CHTF18: variants seen among roughly 807,000 people sequenced by gnomAD.
The protein encoded by CHTF18 is chromosome transmission fidelity protein 18 homolog.
CHTF18 carries 151 observed loss-of-function variants against 113.4 expected under a neutral mutation model. The observed-to-expected ratio is 1.33, with a 90% CI of 1.17 to 1.52. The LOEUF is 1.52. Among genes scored for constraint, CHTF18 ranks in the 40% most tolerant of loss-of-function variants. CHTF18 has a pLI of 0.00. For missense variants in CHTF18, 1,982 were observed against 1,381.6 expected (o/e 1.43, Z -6.89); for synonymous variants, 916 against 598.8 (o/e 1.53, Z -7.74).
In CHTF18 at chr16:793,599, G is replaced by C. The variant is rs2042260367; in HGVS notation, c.1802+325G>C. On this transcript the variant is annotated intron_variant, in intron 14 of 21. Transcript: ENST00000262315. ...TGCACCCTCATTTTTGCCACATTTG[G>C]CCTGGGCTGTGGTCTCTGAGCCCCT... 7.5e-6 allele frequency: 4 copies of C among 534,572 alleles called. 1 individual carries two copies. Among genetic ancestry groups the C allele is most frequent in the Admixed American group, 6.3e-5 (2 of 31,656 alleles). The allele number at this position is 534,572 out of a possible 1,614,324, so 33.1% of individuals were successfully genotyped here.
At chr16:794,660 A>T in intron 15 of CHTF18, 1 of 228,580 alleles carries the variant, frequency 4.4e-6, no homozygotes, top group Non-Finnish European at 8.7e-6. Context: ...GGGGATCCAC[A>T]ACCAATCCCC....
intron 15 of CHTF18, chr16:794,739 A>C (rs1418688043): frequency 3.9e-6 from 1 of 257,764 alleles, no homozygotes; most frequent in Non-Finnish European, 7.5e-6. Context: ...CCCACGGAAC[A>C]GGGGTGGGGA....
chr16:793,039 T>G lies in CHTF18; in HGVS notation c.1646T>G (p.Ile549Ser). Reference protein sequence around the residue: ...AALCEKTDNDIRACINTLQFL... With the variant: ...AALCEKTDNDSRACINTLQFL... ...CTCTGTGAGAAAACTGACAATGACA[T>G]CCGGGCCTGCATCAACACCCTGCAG... The change falls in exon 13 of 22, where the codon ATC becomes AGC. Residue 549 changes from isoleucine to serine, a missense_variant. Coordinates refer to ENST00000262315, the MANE Select transcript of CHTF18 (RefSeq NM_022092.3). The G allele has an allele frequency of 6.9e-6, 10 of 1,458,362 alleles. No individual in the cohort carries two copies. The highest frequency in any genetic ancestry group is 9.2e-6 in the Non-Finnish European group (10 of 1,089,392). 90.3% of individuals were successfully genotyped at this position (1,458,362 alleles called of 1,614,324 possible). A position where few individuals can be genotyped will look rare whatever the true frequency, so the allele number is the denominator to read the frequency against.
chr16:793,469 C>T (rs960254359), intron 14 of CHTF18, among the ~76,000 whole-genome samples, 195 bp downstream of exon 14: 3 of 152,134 alleles, frequency 2.0e-5, no homozygotes, highest in African/African-American at 7.2e-5. Context: ...GGGGGGTCAG[C>T]TAGAGAAGCC....
chr16:788,860 G>T, intron 1 of CHTF18, 71 bp from the exon 2 acceptor site: 1 of 1,513,672 alleles, frequency 6.6e-7, no homozygotes, highest in South Asian at 1.2e-5. Context: ...GGGGGCCGAA[G>T]GGGCCTCCAC....
chr16:794,877 GTCAGTCTCTGTCAA>G, intron 15 of CHTF18: 1 of 512,894 alleles, frequency 1.9e-6, no homozygotes, highest in Non-Finnish European at 3.4e-6. Context: ...TCTCTGTCAA[GTCAGTCTCTGTCAA>G]GCTGTAGCGA....
At position 788,931 on chromosome 16, in the gene CHTF18, G is replaced by C. The variant is rs553152583; in HGVS notation, c.92G>C (p.Gly31Ala). Reference protein sequence around the residue: ...AELEVLAELEGASTPSPSGVP... With the variant: ...AELEVLAELEAASTPSPSGVP... ...CGCTGACAATCTCCTCTCCCAGCAG[G>C]GGCGTCGACTCCGTCGCCCTCCGGG... The change falls in exon 2 of 22, where the codon GGG (glycine) becomes GCG (alanine). Residue 31 changes from glycine to alanine, a missense_variant and splice_region_variant. Gly to Ala is a moderately conservative substitution (Grantham distance 60, BLOSUM62 0). Coordinates refer to ENST00000262315, the MANE Select transcript of CHTF18 (RefSeq NM_022092.3). 1.2e-5 allele frequency: 18 copies of C among 1,546,374 alleles called. No homozygotes were observed. The highest frequency in any genetic ancestry group is 1.6e-5 in the Non-Finnish European group (18 of 1,155,674).
At chr16:796,120 C>T (rs1479215880) in intron 18 of CHTF18, 43 bp downstream of exon 18, 2 of 1,570,936 alleles carry the variant, frequency 1.3e-6, no homozygotes, top group South Asian at 1.2e-5. Flanking sequence ...GGTCATGCTC[C>T]CCGGCTGTGC....
Position 796,732 on chromosome 16 carries a change from C to T in CHTF18, c.2472C>T (p.Leu824=), listed in dbSNP as rs765793878. 3 of 1,602,250 alleles carry T rather than the reference C, an allele frequency of 1.9e-6. No individual in the cohort carries two copies. Among genetic ancestry groups the T allele is most frequent in the Non-Finnish European group, 1.7e-6 (2 of 1,179,162 alleles). ...TGCTGAGCAGGAACGTGGAGGAACT[C>T]TGCCGCTTCCCTGAGCTGCCTGCCC... ...IYRLEPNVEE[L]CRFPELPARK... The change falls in exon 19 of 22, where the codon CTC becomes CTT. Residue 824 remains leucine, a synonymous_variant. Transcript: ENST00000262315.
rs779460025 is a variant in CHTF18, at chr16:790,685, T to G, written c.894+19T>G. On this transcript the variant is annotated intron_variant, in intron 7 of 21. Transcript: ENST00000262315. ...TGATGACGTGAGGTCTTGTTCTCAC[T>G]CAAGTGTGGCTGGCTTCCTCTGTTC... 43 of 1,517,546 alleles carry G rather than the reference T, an allele frequency of 2.8e-5. No homozygotes were observed. The East Asian group carries it at 3.9e-4, about 14-fold the overall frequency. 94.0% of individuals were successfully genotyped at this position (1,517,546 alleles called of 1,614,324 possible). A position where few individuals can be genotyped will look rare whatever the true frequency, so the allele number is the denominator to read the frequency against.
In CHTF18 at chr16:789,531, C is replaced by G; in HGVS notation, c.438-16C>G. The G allele has an allele frequency of 6.3e-7, 1 of 1,584,364 alleles. No individual in the cohort carries two copies. The stretch of plus-strand genomic sequence containing the variant: ...CACGCTTGAGTTTCTGCCACTGAGC[C>G]CCGGTCTCTCTCCAGAGTCTCAGAA... On this transcript the variant is annotated splice_polypyrimidine_tract_variant and intron_variant, in intron 3 of 21. Transcript: ENST00000262315.
Position 792,290 on chromosome 16 carries a change from G to A in CHTF18, c.1269G>A (p.Leu423=). ...CGGCCACCCAGATGGAGTCGGTGCT[G>A]GGTGCTGGCGGGAAGCCCAACTGCC... ...IEAATQMESV[L]GAGGKPNCLV... The change falls in exon 10 of 22, where the codon CTG becomes CTA. Residue 423 remains leucine, a synonymous_variant. Transcript: ENST00000262315. 1.3e-6 allele frequency: 2 copies of A among 1,555,858 alleles called. No homozygotes were observed. The highest frequency in any genetic ancestry group is 1.7e-6 in the Non-Finnish European group (2 of 1,150,434).
Position 796,837 on chromosome 16 carries a change from T to A in CHTF18, c.2577T>A (p.Ser859=). 6.2e-7 allele frequency: 1 copy of A among 1,606,472 alleles called. No individual in the cohort carries two copies. ...EVEKMRRAEA[S]ARVENSPQVD... The stretch of plus-strand genomic sequence containing the variant: ...AGAAGATGCGGCGGGCGGAGGCTTC[T>A]GCCCGGGTAGAGAACAGCCCCCAGG... Residue 859 remains serine, a synonymous_variant, in exon 19 of 22, where the codon TCT becomes TCA. Coordinates refer to ENST00000262315, the MANE Select transcript of CHTF18 (RefSeq NM_022092.3).
At chr16:789,905 G>C in intron 4 of CHTF18, 190 bp downstream of exon 4, 2 of 1,432,108 alleles carry the variant, frequency 1.4e-6, no homozygotes, top group Non-Finnish European at 1.9e-6. Context: ...TTGCTGTCCA[G>C]CCTGTTTGTA....
intron 14 of CHTF18, chr16:793,841 A>G (rs555861744): frequency 3.1e-6 from 2 of 637,952 alleles, no homozygotes; most frequent in African/African-American, 1.8e-5. Context: ...GGCTCCTCTC[A>G]GAGTGGGGCT....
At chr16:789,760 C>T (rs2042122511) in intron 4 of CHTF18, 45 bp downstream of exon 4, 3 of 1,522,888 alleles carry the variant, frequency 2.0e-6, no homozygotes, top group African/African-American at 1.4e-5. Flanking sequence ...GCCAGTGCTG[C>T]TCAGGAAAGG....
At position 794,183 on chromosome 16, in the gene CHTF18, G is replaced by C. The variant is rs923487204; in HGVS notation, c.1932G>C (p.Glu644Asp). The change falls in exon 15 of 22, where the codon GAG (glutamate) becomes GAC (aspartate). Residue 644 changes from glutamate (E) to aspartate (D), a missense_variant. Transcript: ENST00000262315. ...RVLHAAASAG[E>D]HEKVVQGLFD... ...TGCATGCCGCTGCCTCTGCGGGCGA[G>C]CACGAGAAGGTGGTCCAGGTACCTG... The C allele has an allele frequency of 1.2e-6, 2 of 1,611,976 alleles. No individual in the cohort carries two copies. Among genetic ancestry groups the C allele is most frequent in the Non-Finnish European group, 1.7e-6 (2 of 1,179,398 alleles).
rs2042188674 is a variant in CHTF18 at position 791,294 on chromosome 16, A to G, written c.1028A>G (p.Lys343Arg). The G allele has an allele frequency of 6.2e-7, 1 of 1,610,914 alleles. No homozygotes were observed. Among genetic ancestry groups the G allele is most frequent in the South Asian group, 1.1e-5 (1 of 90,876 alleles). The change falls in exon 8 of 22, where the codon AAG becomes AGG. Residue 343 changes from lysine to arginine, a missense_variant. Coordinates refer to ENST00000262315, the MANE Select transcript of CHTF18 (RefSeq NM_022092.3). ...RVSKEATAPGKWKSHEQVLEE... is the reference protein window; with the variant it reads ...RVSKEATAPGRWKSHEQVLEE... ...AGCAAGGAGGCCACAGCCCCAGGCA[A>G]GTGGAAGAGCCACGAACAGGTGCTG...
At position 793,348 on chromosome 16, in the gene CHTF18, C is replaced by G. The variant is rs952845987; in HGVS notation, c.1802+74C>G. 7 of 1,538,596 alleles carry G rather than the reference C, an allele frequency of 4.5e-6. No homozygotes were observed. In the Admixed American group the frequency reaches 5.8e-5, roughly 13 times the overall value. On this transcript the variant is annotated intron_variant, in intron 14 of 21. Coordinates refer to ENST00000262315, the MANE Select transcript of CHTF18 (RefSeq NM_022092.3). ...TCAGGACGCTAGCCCTGTGTGCAGG[C>G]CAGCACTACCTTCGAGGCGGGGACT...
Sources: gnomAD v4.1 joint callset for allele counts (sites outside exome capture counted in the v4.1 genomes callset) on GRCh38, gnomAD v4.1.1 for gene constraint, MANE v1.5 for transcripts, NCBI Gene and HGNC (gene_info 2026-07-23, HGNC 2026-07-21) for gene names.